Variants in EXOC4 observed in about 807,000 individuals in gnomAD.
The protein encoded by EXOC4 is exocyst complex component 4.
A neutral mutation model predicts 107.2 loss-of-function variants in EXOC4; 71 were observed. That is an observed-to-expected ratio of 0.66 (90% CI 0.55 to 0.81). The LOEUF is 0.81. Among genes scored for constraint, EXOC4 ranks in the 30% least tolerant of loss-of-function variants. The probability of loss-of-function intolerance (pLI) is 0.00; values close to 1 mark genes in which losing one functional copy is unlikely to be tolerated. For synonymous variants in EXOC4, 456 were observed against 441.2 expected (o/e 1.03, Z -0.42); for missense variants, 1,108 against 1,189.6 (o/e 0.93, Z 1.01).
chr7:133,913,143 T>C (rs1057245665), intron 12 of EXOC4, among the ~76,000 whole-genome samples: 2 of 152,208 alleles, frequency 1.3e-5, no homozygotes, highest in African/African-American at 4.8e-5. Context: ...TGGAAAACTT[T>C]GGAATACTCA....
At chr7:133,690,402 C>G (rs1396620046) in intron 10 of EXOC4, among the ~76,000 whole-genome samples, 1 of 152,178 alleles carries the variant, frequency 6.6e-6, no homozygotes, top group African/African-American at 2.4e-5. Context: ...TAAAAATGTG[C>G]CTACAGGCCG....
At chr7:133,642,463 T>A (rs1802881101) in intron 10 of EXOC4, among the ~76,000 whole-genome samples, 1 of 152,188 alleles carries the variant, frequency 6.6e-6, no homozygotes, top group Admixed American at 6.5e-5. Flanking sequence ...GATCAAAAAA[T>A]CTTGAAGTTC....
chr7:133,372,963 G>T (rs1295564065), intron 6 of EXOC4, among the ~76,000 whole-genome samples: 2 of 152,142 alleles, frequency 1.3e-5, no homozygotes, highest in Non-Finnish European at 2.9e-5. Flanking sequence ...ATTTACCTTT[G>T]TGAAGAGTCA....
chr7:133,298,756 A>G (rs1794577425), intron 3 of EXOC4, among the ~76,000 whole-genome samples: 1 of 152,224 alleles, frequency 6.6e-6, no homozygotes, highest in Non-Finnish European at 1.5e-5. Flanking sequence ...CCCTAGAACT[A>G]TGCATAGCTT....
At chr7:133,261,567 A>G (rs1331090559) in intron 1 of EXOC4, among the ~76,000 whole-genome samples, 1 of 152,130 alleles carries the variant, frequency 6.6e-6, no homozygotes, top group Non-Finnish European at 1.5e-5. Flanking sequence ...GATGCTAGAC[A>G]TTGTCAGTTT....
At chr7:133,618,919 A>C (rs1802260013) in intron 9 of EXOC4, among the ~76,000 whole-genome samples, 1 of 152,200 alleles carries the variant, frequency 6.6e-6, no homozygotes, top group Non-Finnish European at 1.5e-5. Context: ...AAATGCCTCT[A>C]GCAATTGTAA....
At chr7:133,404,464 C>G (rs957841442) in intron 7 of EXOC4, among the ~76,000 whole-genome samples, 1 of 151,960 alleles carries the variant, frequency 6.6e-6, no homozygotes, top group Non-Finnish European at 1.5e-5. Context: ...CAAGGCCTTC[C>G]TTGAGTCTGG....
chr7:133,950,688 C>G (rs1291960832), intron 14 of EXOC4, among the ~76,000 whole-genome samples: 1 of 152,166 alleles, frequency 6.6e-6, no homozygotes, highest in Non-Finnish European at 1.5e-5. Context: ...CCAAAATATT[C>G]ATTTTAAGAT....
At chr7:133,724,005 TTA>T (rs1406269643) in intron 10 of EXOC4, among the ~76,000 whole-genome samples, 1 of 152,104 alleles carries the variant, frequency 6.6e-6, no homozygotes, top group African/African-American at 2.4e-5. Context: ...AAGCCCTGAG[TTA>T]TATATATATT....
At chr7:133,558,455 A>G (rs1563107596) in intron 9 of EXOC4, among the ~76,000 whole-genome samples, 1 of 152,062 alleles carries the variant, frequency 6.6e-6, no homozygotes, top group Non-Finnish European at 1.5e-5. Flanking sequence ...AATTAAATGC[A>G]CAAATAATAG....
At chr7:133,446,898 CCTAGAG>C (rs1427643204) in intron 7 of EXOC4, among the ~76,000 whole-genome samples, 3 of 152,160 alleles carry the variant, frequency 2.0e-5, no homozygotes, top group Non-Finnish European at 4.4e-5. Context: ...TGGGCATTAG[CCTAGAG>C]CTTAGCTTTA....
At chr7:133,482,093 C>G (rs150959906) in intron 9 of EXOC4, among the ~76,000 whole-genome samples, 2 of 152,200 alleles carry the variant, frequency 1.3e-5, no homozygotes, top group Admixed American at 1.3e-4. Flanking sequence ...TTCTCTACAC[C>G]TGTCTTCTAA....
intron 9 of EXOC4, among the ~76,000 whole-genome samples, chr7:133,497,942 T>C (rs576591001): frequency 3.9e-5 from 6 of 152,270 alleles, no homozygotes; most frequent in Admixed American, 6.5e-5. Context: ...TACTGTGGGC[T>C]TTATAGTATG....
intron 17 of EXOC4, among the ~76,000 whole-genome samples, chr7:134,041,739 T>C (rs1276516245): frequency 1.3e-5 from 2 of 152,212 alleles, no homozygotes; most frequent in Non-Finnish European, 2.9e-5. Context: ...AAATGAGATA[T>C]TCTTCCTTCA....
intron 9 of EXOC4, among the ~76,000 whole-genome samples, chr7:133,578,894 G>GTAA (rs1384355340): frequency 1.3e-5 from 2 of 152,036 alleles, no homozygotes; most frequent in Non-Finnish European, 2.9e-5. Flanking sequence ...AGGTAGCTAG[G>GTAA]GCAAAATGAC....
chr7:133,699,826 T>G (rs1794618525), intron 10 of EXOC4, among the ~76,000 whole-genome samples: 1 of 152,178 alleles, frequency 6.6e-6, no homozygotes, highest in South Asian at 2.1e-4. Context: ...CACTAAATGT[T>G]TGATTTTGAT....
intron 10 of EXOC4, among the ~76,000 whole-genome samples, chr7:133,669,566 G>T (rs560800012): frequency 9.0e-6 from 1 of 111,428 alleles, no homozygotes; most frequent in Non-Finnish European, 1.8e-5. Context: ...ACACAGCAGT[G>T]AATAAAGAAC....
chr7:133,628,594 G>A (rs1039177182), intron 9 of EXOC4, among the ~76,000 whole-genome samples: 1 of 152,216 alleles, frequency 6.6e-6, no homozygotes, highest in African/African-American at 2.4e-5. Flanking sequence ...TGGGGGTAGA[G>A]TGTTTTTCCC....
intron 10 of EXOC4, among the ~76,000 whole-genome samples, chr7:133,757,642 C>T (rs539437739): frequency 2.0e-4 from 31 of 152,304 alleles, no homozygotes; most frequent in African/African-American, 6.0e-4. Context: ...AACATTCTTG[C>T]AATACTGCAG....
Sources: gnomAD v4.1 joint callset for allele counts (sites outside exome capture counted in the v4.1 genomes callset) on GRCh38, gnomAD v4.1.1 for gene constraint, MANE v1.5 for transcripts, NCBI Gene and HGNC (gene_info 2026-07-23, HGNC 2026-07-21) for gene names.